The following TBC1D22A variants were observed in gnomAD, a reference collection of about 807,000 sequenced individuals.
TBC1D22A encodes TBC1 domain family member 22A, also known as putative GTPase activator.
Under a neutral mutation model 60.2 loss-of-function variants are expected in TBC1D22A, and 38 were observed. The ratio of observed to expected loss-of-function variants is 0.63; its 90% CI spans 0.49 to 0.83. TBC1D22A has a LOEUF of 0.83. Among genes scored for constraint, TBC1D22A ranks in the 40% least tolerant of loss-of-function variants. The pLI is 0.00. For missense variants in TBC1D22A, 628 were observed against 701.0 expected, an observed-to-expected ratio of 0.90 and a Z score of 1.18; for synonymous variants, 302 against 281.7, an observed-to-expected ratio of 1.07 and a Z score of -0.72.
At chr22:46,976,506 C>G (rs1451151293) in intron 9 of TBC1D22A, among the ~76,000 whole-genome samples, 1 of 152,228 alleles carries the variant, frequency 6.6e-6, no homozygotes, top group Non-Finnish European at 1.5e-5. Context: ...AGCACTGCCG[C>G]TGTTTTAAGT....
intron 4 of TBC1D22A, among the ~76,000 whole-genome samples, chr22:46,868,073 G>A (rs557014661): frequency 1.3e-5 from 2 of 152,362 alleles, no homozygotes; most frequent in South Asian, 2.1e-4. Flanking sequence ...GCGGGTGCGG[G>A]TGTTCTGGGG....
chr22:47,024,109 G>A (rs1024532466), intron 10 of TBC1D22A, among the ~76,000 whole-genome samples: 7 of 152,334 alleles, frequency 4.6e-5, no homozygotes, highest in Middle Eastern at 3.4e-3. Context: ...AGGCCCTCAC[G>A]CTGTGCTGCC....
At chr22:46,802,932 C>G (rs1204559306) in intron 4 of TBC1D22A, among the ~76,000 whole-genome samples, 1 of 151,946 alleles carries the variant, frequency 6.6e-6, no homozygotes, top group African/African-American at 2.4e-5. Context: ...GCCAGGACCC[C>G]CATAGCTTAG....
At chr22:46,965,440 C>T (rs992593709) in intron 8 of TBC1D22A, among the ~76,000 whole-genome samples, 2 of 152,230 alleles carry the variant, frequency 1.3e-5, no homozygotes, top group Non-Finnish European at 2.9e-5. Context: ...GTACCGGCTG[C>T]ACTGTCTGGG....
At chr22:46,917,082 T>A (rs558842179) in intron 8 of TBC1D22A, among the ~76,000 whole-genome samples, 1 of 152,070 alleles carries the variant, frequency 6.6e-6, no homozygotes, top group Non-Finnish European at 1.5e-5. Context: ...GCGGGCAGAG[T>A]GTGGAGGAGA....
intron 12 of TBC1D22A, among the ~76,000 whole-genome samples, chr22:47,113,937 C>G (rs2065937800): frequency 6.6e-6 from 1 of 152,268 alleles, no homozygotes; most frequent in East Asian, 1.9e-4. Context: ...TCCTACCACC[C>G]TGTCATGTGG....
At chr22:47,034,441 A>G (rs1474187364) in intron 10 of TBC1D22A, among the ~76,000 whole-genome samples, 2 of 151,658 alleles carry the variant, frequency 1.3e-5, no homozygotes, top group African/African-American at 4.9e-5. Context: ...CGAGATGAGA[A>G]TCTGTATTTA....
chr22:47,168,863 C>T (rs1475145070), intron 12 of TBC1D22A, among the ~76,000 whole-genome samples: 2 of 152,206 alleles, frequency 1.3e-5, no homozygotes, highest in Admixed American at 1.3e-4. Context: ...AAAGCCATGG[C>T]GATATCTGCT....
chr22:46,792,403 G>A, intron 1 of TBC1D22A, 117 bp from the exon 2 acceptor site: 1 of 1,408,784 alleles, frequency 7.1e-7, no homozygotes, highest in Non-Finnish European at 1.0e-6. Flanking sequence ...CAGCCCATGA[G>A]GAGCTGCTTC....
At chr22:47,078,406 C>CTCCCT (rs2064316733) in intron 11 of TBC1D22A, among the ~76,000 whole-genome samples, 2 of 152,240 alleles carry the variant, frequency 1.3e-5, no homozygotes, top group South Asian at 4.1e-4. Context: ...GCCCCCTCCC[C>CTCCCT]TCCCCGGAGA....
At chr22:47,053,790 G>A (rs1310645229) in intron 11 of TBC1D22A, among the ~76,000 whole-genome samples, 2 of 152,244 alleles carry the variant, frequency 1.3e-5, no homozygotes, top group Non-Finnish European at 2.9e-5. Context: ...TTGGATTCCC[G>A]CGTGCTGCCT....
At chr22:46,911,665 C>T (rs1311870771) in intron 7 of TBC1D22A, among the ~76,000 whole-genome samples, 1 of 152,112 alleles carries the variant, frequency 6.6e-6, no homozygotes, top group Non-Finnish European at 1.5e-5. Flanking sequence ...TTCCTGTAAT[C>T]CCAGCACTTT....
chr22:46,927,509 A>G (rs2071115987), intron 8 of TBC1D22A, among the ~76,000 whole-genome samples: 2 of 152,248 alleles, frequency 1.3e-5, no homozygotes, highest in African/African-American at 4.8e-5. Flanking sequence ...AGTTGAAAAG[A>G]CAAAGTTTTT....
chr22:46,887,513 C>A (rs1020390667), intron 5 of TBC1D22A, among the ~76,000 whole-genome samples: 1 of 152,212 alleles, frequency 6.6e-6, no homozygotes, highest in East Asian at 1.9e-4. Context: ...AAAGCAAAAA[C>A]TGGAAACAGC....
chr22:46,945,896 C>G (rs2072508428), intron 8 of TBC1D22A, among the ~76,000 whole-genome samples: 1 of 152,128 alleles, frequency 6.6e-6, no homozygotes, highest in African/African-American at 2.4e-5. Context: ...GTATTTTGTA[C>G]CCTTTTCTTT....
At chr22:46,880,301 T>G (rs1422702714) in intron 5 of TBC1D22A, among the ~76,000 whole-genome samples, 1 of 152,190 alleles carries the variant, frequency 6.6e-6, no homozygotes, top group Non-Finnish European at 1.5e-5. Context: ...AGTTTCTGAT[T>G]AGCCTTTCCA....
At chr22:47,155,914 T>C (rs1212353557) in intron 12 of TBC1D22A, among the ~76,000 whole-genome samples, 1 of 152,178 alleles carries the variant, frequency 6.6e-6, no homozygotes, top group East Asian at 1.9e-4. Flanking sequence ...AAAAATAAGG[T>C]AAATAAGGAT....
At chr22:46,995,253 C>G (rs6009088) in intron 9 of TBC1D22A, among the ~76,000 whole-genome samples, 1,546 of 152,294 alleles carry the variant, frequency 0.01, 29 homozygotes, top group African/African-American at 0.035. Context: ...TGGCGTCATT[C>G]TAAGTGAAGG....
intron 10 of TBC1D22A, among the ~76,000 whole-genome samples, chr22:47,032,236 C>G (rs2062502457): frequency 6.6e-6 from 1 of 152,224 alleles, no homozygotes. Flanking sequence ...AGCGGCTGCC[C>G]TGGGTGCCAG....
Sources: gnomAD v4.1 joint callset for allele counts (sites outside exome capture counted in the v4.1 genomes callset) on GRCh38, gnomAD v4.1.1 for gene constraint, MANE v1.5 for transcripts, NCBI Gene and HGNC (gene_info 2026-07-23, HGNC 2026-07-21) for gene names.